Variants in SIPA1L1 observed in about 807,000 individuals in gnomAD.
The protein encoded by SIPA1L1 is signal induced proliferation associated 1 like 1.
Under a neutral mutation model 162.7 loss-of-function variants are expected in SIPA1L1, and 26 were observed. That is an observed-to-expected ratio of 0.16 (90% CI 0.12 to 0.22). The LOEUF (loss-of-function observed/expected upper bound fraction) is 0.22. SIPA1L1 is among the 10% of genes least tolerant of loss of function. SIPA1L1 has a pLI of 1.00. For missense variants in SIPA1L1, 1,874 were observed against 2,241.0 expected (o/e 0.84, Z 3.31); for synonymous variants, 829 against 837.4 (o/e 0.99, Z 0.17).
chr14:71,446,526 C>T (rs2141362297), intron 2 of SIPA1L1, among the ~76,000 whole-genome samples: 1 of 152,210 alleles, frequency 6.6e-6, no homozygotes, highest in East Asian at 1.9e-4. Flanking sequence ...TATGATCATG[C>T]CACTGCACTT....
chr14:71,716,893 C>T (rs905649304), intron 17 of SIPA1L1, among the ~76,000 whole-genome samples: 8 of 152,194 alleles, frequency 5.3e-5, no homozygotes, highest in African/African-American at 1.4e-4. Flanking sequence ...CCCAGATCCT[C>T]GGTGACCTCA....
intron 2 of SIPA1L1, among the ~76,000 whole-genome samples, chr14:71,454,886 T>C (rs2046079931): frequency 6.6e-6 from 1 of 152,222 alleles, no homozygotes; most frequent in South Asian, 2.1e-4. Context: ...GCCCTTTTAC[T>C]GTGGAGGTTC....
intron 2 of SIPA1L1, among the ~76,000 whole-genome samples, chr14:71,444,860 A>G (rs957981906): frequency 6.6e-6 from 1 of 152,188 alleles, no homozygotes; most frequent in Admixed American, 6.5e-5. Context: ...AAAGAAGCTG[A>G]TGAAGTGCTC....
intron 2 of SIPA1L1, among the ~76,000 whole-genome samples, chr14:71,473,055 AATTAT>A (rs1323914376): frequency 5.9e-5 from 9 of 151,918 alleles, no homozygotes; most frequent in Non-Finnish European, 5.9e-5. Context: ...ATTACATGAT[AATTAT>A]ATTATAATAA....
intron 4 of SIPA1L1, among the ~76,000 whole-genome samples, chr14:71,552,395 CTT>C (rs1018604407): frequency 1.1e-4 from 16 of 142,070 alleles, no homozygotes; most frequent in Non-Finnish European, 1.2e-4. Flanking sequence ...TACCCTATTT[CTT>C]TTTTTTTTTT....
At chr14:71,708,192 T>G (rs2082614615) in intron 16 of SIPA1L1, among the ~76,000 whole-genome samples, 1 of 151,958 alleles carries the variant, frequency 6.6e-6, no homozygotes, top group Non-Finnish European at 1.5e-5. Context: ...ATTTTATAAC[T>G]GGAGGTCCTG....
chr14:71,406,686 C>A (rs2042048958), intron 2 of SIPA1L1, among the ~76,000 whole-genome samples: 1 of 151,866 alleles, frequency 6.6e-6, no homozygotes, highest in African/African-American at 2.4e-5. Flanking sequence ...CAGGATTTTC[C>A]CATTTTTGAA....
chr14:71,376,772 C>A (rs143292769), intron 2 of SIPA1L1, among the ~76,000 whole-genome samples: 1 of 152,194 alleles, frequency 6.6e-6, no homozygotes, highest in Admixed American at 6.5e-5. Context: ...TGACTCTTAA[C>A]GAGCATGCTG....
chr14:71,615,696 A>G (rs1251829626), intron 5 of SIPA1L1, among the ~76,000 whole-genome samples: 1 of 152,218 alleles, frequency 6.6e-6, no homozygotes, highest in Non-Finnish European at 1.5e-5. Flanking sequence ...AAACGGTTCC[A>G]TTAGGTAAAT....
At chr14:71,563,324 C>G (rs972452598) in intron 4 of SIPA1L1, among the ~76,000 whole-genome samples, 1 of 147,768 alleles carries the variant, frequency 6.8e-6, no homozygotes, top group African/African-American at 2.5e-5. Context: ...TTTTTTTTAA[C>G]ACGATTTTGT....
chr14:71,490,913 G>A, intron 2 of SIPA1L1, among the ~76,000 whole-genome samples: 1 of 152,060 alleles, frequency 6.6e-6, no homozygotes, highest in South Asian at 2.1e-4. Flanking sequence ...TCAAAGGTAG[G>A]GGTTTAATAG....
intron 19 of SIPA1L1, among the ~76,000 whole-genome samples, chr14:71,725,670 C>A (rs1373970182): frequency 6.6e-6 from 1 of 152,144 alleles, no homozygotes; most frequent in Non-Finnish European, 1.5e-5. Flanking sequence ...TCTCACGCCC[C>A]CGGGGATTGG....
intron 17 of SIPA1L1, among the ~76,000 whole-genome samples, chr14:71,715,387 T>C (rs1404736579): frequency 6.6e-6 from 1 of 152,216 alleles, no homozygotes; most frequent in East Asian, 1.9e-4. Flanking sequence ...TGGTGACAAA[T>C]GAAGATGGCT....
At chr14:71,637,196 T>A (rs2041243742) in intron 7 of SIPA1L1, among the ~76,000 whole-genome samples, 1 of 151,360 alleles carries the variant, frequency 6.6e-6, no homozygotes, top group African/African-American at 2.4e-5. Context: ...GAAAATCCTC[T>A]AACAAGACTG....
rs190221038 is a variant in SIPA1L1 at position 71,683,246 on chromosome 14, C to A, written c.3105-2116C>A. Among the ~76,000 whole-genome samples the A allele has an allele frequency of 7.2e-5, 11 of 152,204 alleles. No individual in the cohort carries two copies. The East Asian group carries it at 2.1e-3, about 29-fold the overall frequency. On this transcript the variant is annotated intron_variant, in intron 12 of 23. Coordinates refer to ENST00000381232, the MANE Select transcript of SIPA1L1 (RefSeq NM_001386936.1). ...AGGTAGTAGTGAAAGCAAAACATGG[C>A]CTAGGTGAAAATTTTTGGAAAGTTG...
Position 71,739,110 on chromosome 14 carries a change from C to T in SIPA1L1, c.5301C>T (p.Asp1767=). 5 of 1,614,080 alleles carry T rather than the reference C, an allele frequency of 3.1e-6. No individual in the cohort carries two copies. The South Asian group carries it at 4.4e-5, about 14-fold the overall frequency. ...RLQEESQNAS[D]KLKKFTEWVF... is the part of the protein sequence containing the mutation. ...AGGAGGAGTCCCAGAACGCCTCGGA[C>T]AAGCTGAAGAAGTTCACAGAATGGG... The change falls in exon 24 of 24, where the codon GAC becomes GAT. Residue 1767 remains aspartate (D), a synonymous_variant. Coordinates refer to ENST00000381232, the MANE Select transcript of SIPA1L1 (RefSeq NM_001386936.1).
At chr14:71,517,856 C>G (rs1028242896) in intron 3 of SIPA1L1, among the ~76,000 whole-genome samples, 1 of 152,084 alleles carries the variant, frequency 6.6e-6, no homozygotes, top group Admixed American at 6.6e-5. Context: ...TTATCTTATA[C>G]ATTTATAAGA....
chr14:71,513,649 G>A (rs2051399141), intron 3 of SIPA1L1, among the ~76,000 whole-genome samples: 1 of 152,036 alleles, frequency 6.6e-6, no homozygotes, highest in African/African-American at 2.4e-5. Flanking sequence ...GTGCCACCGT[G>A]CCTAGCTAAT....
chr14:71,715,797 A>G (rs1225379355), intron 17 of SIPA1L1, among the ~76,000 whole-genome samples: 1 of 152,074 alleles, frequency 6.6e-6, no homozygotes, highest in Non-Finnish European at 1.5e-5. Context: ...TCATCCTATA[A>G]TCATATTTTC....
Sources: allele counts gnomAD v4.1 joint callset (sites outside exome capture counted in the v4.1 genomes callset), GRCh38; gene constraint gnomAD v4.1.1; transcripts MANE v1.5; gene names NCBI Gene and HGNC (gene_info 2026-07-23, HGNC 2026-07-21).